PRKCA: variants seen among roughly 807,000 people sequenced by gnomAD.
The protein encoded by PRKCA is protein kinase C alpha, also known as protein kinase C alpha type.
A neutral mutation model predicts 87.0 loss-of-function variants in PRKCA; 27 were observed. The observed-to-expected ratio is 0.31, with a 90% CI of 0.23 to 0.43. The LOEUF (loss-of-function observed/expected upper bound fraction) is 0.43, where lower values mean the gene tolerates loss of function less well. Ranked by LOEUF, PRKCA falls within the 20% of genes least tolerant of loss-of-function variation. PRKCA has a pLI of 1.00. For synonymous variants in PRKCA, 329 were observed against 311.1 expected, an observed-to-expected ratio of 1.06 and a Z score of -0.61; for missense variants, 518 against 852.3, an observed-to-expected ratio of 0.61 and a Z score of 4.88.
intron 13 of PRKCA, among the ~76,000 whole-genome samples, chr17:66,754,651 T>C (rs1160308648): frequency 4.6e-5 from 7 of 152,022 alleles, no homozygotes; most frequent in Non-Finnish European, 1.0e-4. Context: ...TCTGAAGAGG[T>C]GTTTGATTTC....
At chr17:66,571,821 G>A (rs1969086972) in intron 3 of PRKCA, among the ~76,000 whole-genome samples, 1 of 152,138 alleles carries the variant, frequency 6.6e-6, no homozygotes. Flanking sequence ...AAAAATGGGT[G>A]GTAGATCTTA....
At chr17:66,537,955 G>A (rs1040084300) in intron 3 of PRKCA, among the ~76,000 whole-genome samples, 3 of 152,016 alleles carry the variant, frequency 2.0e-5, no homozygotes, top group Admixed American at 6.6e-5. Context: ...ACAGGTTCAC[G>A]CCACCATGCC....
intron 2 of PRKCA, among the ~76,000 whole-genome samples, chr17:66,408,781 C>T (rs61612854): frequency 0.12 from 18,759 of 151,806 alleles, 1,478 homozygotes; most frequent in East Asian, 0.28. Flanking sequence ...CGGCCGGGCG[C>T]GGTGGCTTGC....
At chr17:66,633,799 A>T (rs1598831538) in intron 3 of PRKCA, among the ~76,000 whole-genome samples, 2 of 152,320 alleles carry the variant, frequency 1.3e-5, no homozygotes, top group East Asian at 3.9e-4. Context: ...GAACATCCCC[A>T]TCAAAAAACA....
chr17:66,748,210 G>T (rs190645092), intron 13 of PRKCA, among the ~76,000 whole-genome samples: 1 of 152,212 alleles, frequency 6.6e-6, no homozygotes, highest in Admixed American at 6.5e-5. Context: ...AGCCATTCTG[G>T]GGTCACAGCT....
chr17:66,602,424 G>A (rs1269106228), intron 3 of PRKCA, among the ~76,000 whole-genome samples: 16 of 149,414 alleles, frequency 1.1e-4, no homozygotes, highest in Admixed American at 1.3e-4. Flanking sequence ...GCCCTGCTTC[G>A]GCTCGCGCAC....
At chr17:66,303,121 C>T in intron 1 of PRKCA, 97 bp downstream of exon 1, 1 of 1,481,146 alleles carries the variant, frequency 6.8e-7, no homozygotes, top group African/African-American at 1.5e-5. Context: ...TGGCTCACTC[C>T]GATAACTTGG....
intron 3 of PRKCA, among the ~76,000 whole-genome samples, chr17:66,497,860 G>T (rs900294240): frequency 6.6e-6 from 1 of 152,222 alleles, no homozygotes; most frequent in Admixed American, 6.5e-5. Context: ...CAAGTAAGAA[G>T]GAAGTTACTG....
chr17:66,615,207 T>A (rs1970483797), intron 3 of PRKCA, among the ~76,000 whole-genome samples: 3 of 152,194 alleles, frequency 2.0e-5, no homozygotes, highest in Admixed American at 1.3e-4. Flanking sequence ...CACATAACAC[T>A]TCCACTAATA....
intron 3 of PRKCA, among the ~76,000 whole-genome samples, chr17:66,506,525 A>AG (rs1231978835): frequency 6.6e-6 from 1 of 152,190 alleles, no homozygotes; most frequent in African/African-American, 2.4e-5. Flanking sequence ...GAGTTGGTGA[A>AG]GGTCTGATAA....
At chr17:66,398,619 G>A (rs1426093773) in intron 2 of PRKCA, among the ~76,000 whole-genome samples, 1 of 152,162 alleles carries the variant, frequency 6.6e-6, no homozygotes, top group Non-Finnish European at 1.5e-5. Flanking sequence ...CAATTTGGAA[G>A]CAAGACAGAG....
chr17:66,500,375 C>T (rs865881772), intron 3 of PRKCA, among the ~76,000 whole-genome samples: 4 of 152,332 alleles, frequency 2.6e-5, no homozygotes, highest in Non-Finnish European at 5.9e-5. Flanking sequence ...CCAAACTGTG[C>T]TGCACCAGGG....
At chr17:66,530,929 T>C (rs757548523) in intron 3 of PRKCA, among the ~76,000 whole-genome samples, 1 of 152,160 alleles carries the variant, frequency 6.6e-6, no homozygotes, top group Non-Finnish European at 1.5e-5. Flanking sequence ...CTCCTTCTCT[T>C]ATACCCTGGG....
Position 66,803,186 on chromosome 17 carries a change from C to A in PRKCA, c.1855-687C>A, listed in dbSNP as rs756470094. Among the ~76,000 whole-genome samples, 8 of 152,172 alleles carry A rather than the reference C, an allele frequency of 5.3e-5. No individual in the cohort carries two copies. The highest frequency in any genetic ancestry group is 1.9e-4 in the African/African-American group (8 of 41,442). ...CTCCCTGCCTCCCCAGGGCGCCATG[C>A]AAACATCCTCCAGCCTGAGACCACC... On this transcript the variant is annotated intron_variant, in intron 16 of 16. Transcript: ENST00000413366. This position sits in a 1 kb window ranked among gnomAD's most constrained non-coding sequence, Gnocchi z 4.4.
intron 2 of PRKCA, among the ~76,000 whole-genome samples, chr17:66,370,630 A>C (rs1223905497): frequency 7.0e-6 from 1 of 143,448 alleles, no homozygotes; most frequent in East Asian, 2.0e-4. Context: ...AGGTCACTGC[A>C]ACCTGGAACT....
intron 2 of PRKCA, among the ~76,000 whole-genome samples, chr17:66,452,960 C>G (rs72838290): frequency 1.5e-3 from 222 of 152,338 alleles, no homozygotes; most frequent in Non-Finnish European, 1.8e-3. Flanking sequence ...GTTTGAACCC[C>G]CATTGAGCTT....
At chr17:66,392,304 C>G (rs16959154) in intron 2 of PRKCA, among the ~76,000 whole-genome samples, 13,881 of 151,472 alleles carry the variant, frequency 0.092, 763 homozygotes, top group African/African-American at 0.14. Flanking sequence ...AAGTTACTTT[C>G]CAAAAAAAAT....
intron 9 of PRKCA, 82 bp from the exon 10 acceptor site, chr17:66,735,407 C>T: frequency 7.0e-7 from 1 of 1,430,778 alleles, no homozygotes; most frequent in Admixed American, 1.7e-5. Context: ...TGTCACTGAG[C>T]CGTCACCTGG....
At chr17:66,609,306 C>T (rs1970288814) in intron 3 of PRKCA, among the ~76,000 whole-genome samples, 1 of 152,240 alleles carries the variant, frequency 6.6e-6, no homozygotes, top group East Asian at 1.9e-4. Flanking sequence ...TACGGGGCTA[C>T]TACTTTGCCG....
Sources: allele counts gnomAD v4.1 joint callset (sites outside exome capture counted in the v4.1 genomes callset), GRCh38; gene constraint gnomAD v4.1.1; non-coding constraint Gnocchi (gnomAD v3.1); transcripts MANE v1.5; gene names NCBI Gene and HGNC (gene_info 2026-07-23, HGNC 2026-07-21).